The following CERS6 variants were observed in gnomAD, a reference collection of about 807,000 sequenced individuals.
CERS6 encodes the protein LAG1 homolog, ceramide synthase 6.
A neutral mutation model predicts 56.8 loss-of-function variants in CERS6; 26 were observed. The ratio of observed to expected loss-of-function variants is 0.46; its 90% confidence interval spans 0.34 to 0.63. The LOEUF is 0.63. CERS6 is among the 30% of genes least tolerant of loss of function. CERS6 has a pLI of 0.01. For synonymous variants in CERS6, 164 were observed against 173.3 expected, an observed-to-expected ratio of 0.95 and a Z score of 0.42; for missense variants, 415 against 467.5, an observed-to-expected ratio of 0.89 and a Z score of 1.04.
chr2:168,653,290 A>G (rs1044703878), intron 4 of CERS6, among the ~76,000 whole-genome samples: 1 of 152,224 alleles, frequency 6.6e-6, no homozygotes, highest in Non-Finnish European at 1.5e-5. Context: ...TGGGCTCTCC[A>G]CAGCTACCAT....
In CERS6 at chr2:168,477,173, C is replaced by CAGAGAGAG. The variant is rs10609883; in HGVS notation, c.170+20594_170+20601dup. Among the ~76,000 whole-genome samples, 766 of 115,504 alleles carry CAGAGAGAG rather than the reference C, an allele frequency of 6.6e-3. 14 individuals carry two copies. Among genetic ancestry groups the CAGAGAGAG allele is most frequent in the African/African-American group, 0.012 (363 of 29,954 alleles). 75.8% of individuals were successfully genotyped at this position (115,504 alleles called of 152,430 possible). A position where few individuals can be genotyped will look rare whatever the true frequency, so the allele number is the denominator to read the frequency against. ...AGGGAGGAAAGGAATGAGGGAGAGA[C>CAGAGAGAG]AGAGAGAGAGAGAGAGAGAGAGAGA... On this transcript the variant is annotated intron_variant, in intron 1 of 9. Coordinates refer to ENST00000305747, the MANE Select transcript of CERS6 (RefSeq NM_203463.3).
intron 3 of CERS6, among the ~76,000 whole-genome samples, chr2:168,604,433 GGTCA>G (rs1459124950): frequency 4.6e-5 from 7 of 151,658 alleles, no homozygotes; most frequent in African/African-American, 1.7e-4. Context: ...GGTAAACTAG[GGTCA>G]GTCAATCAAA....
intron 1 of CERS6, among the ~76,000 whole-genome samples, chr2:168,495,792 G>C (rs945779654): frequency 6.6e-6 from 1 of 152,088 alleles, no homozygotes; most frequent in Non-Finnish European, 1.5e-5. Context: ...CTCCTTTCAG[G>C]GGGGGCATGA....
At chr2:168,517,525 TA>T (rs1172051273) in intron 1 of CERS6, among the ~76,000 whole-genome samples, 1 of 143,972 alleles carries the variant, frequency 6.9e-6, no homozygotes, top group African/African-American at 2.7e-5. Flanking sequence ...AAATAAATAA[TA>T]AAATAAAATA....
intron 1 of CERS6, among the ~76,000 whole-genome samples, chr2:168,533,947 A>G (rs764502635): frequency 1.3e-5 from 2 of 151,652 alleles, no homozygotes; most frequent in Non-Finnish European, 2.9e-5. Context: ...TCTTGTCTGC[A>G]TGCCTTATTT....
At chr2:168,605,095 A>G (rs1247902481) in intron 3 of CERS6, among the ~76,000 whole-genome samples, 1 of 152,228 alleles carries the variant, frequency 6.6e-6, no homozygotes, top group Non-Finnish European at 1.5e-5. Context: ...GATTTGTTGA[A>G]TGGTTGTGAT....
intron 1 of CERS6, among the ~76,000 whole-genome samples, chr2:168,521,595 A>G (rs1415286569): frequency 6.6e-6 from 1 of 152,192 alleles, no homozygotes; most frequent in Non-Finnish European, 1.5e-5. Context: ...TCTAGGGTGC[A>G]TTTGAAATGA....
At chr2:168,493,488 T>G (rs537266661) in intron 1 of CERS6, among the ~76,000 whole-genome samples, 1 of 152,310 alleles carries the variant, frequency 6.6e-6, no homozygotes, top group East Asian at 1.9e-4. Context: ...TCTTAACCAC[T>G]GCGCTCTATA....
chr2:168,529,960 C>T (rs1021612914), intron 1 of CERS6, among the ~76,000 whole-genome samples: 2 of 151,912 alleles, frequency 1.3e-5, no homozygotes, highest in African/African-American at 2.4e-5. Context: ...TCACAGGGGC[C>T]TATAAGACAG....
intron 8 of CERS6, among the ~76,000 whole-genome samples, chr2:168,750,172 T>G (rs1684221605): frequency 6.6e-6 from 1 of 152,214 alleles, no homozygotes; most frequent in African/African-American, 2.4e-5. Flanking sequence ...GAGCCCCACC[T>G]TCTACCTTGC....
chr2:168,671,914 T>G (rs1277954704), intron 4 of CERS6, among the ~76,000 whole-genome samples: 1 of 152,236 alleles, frequency 6.6e-6, no homozygotes, highest in Non-Finnish European at 1.5e-5. Flanking sequence ...TAGAGTATCT[T>G]AGAAATGCTA....
At chr2:168,733,173 A>T (rs1158553843) in intron 8 of CERS6, among the ~76,000 whole-genome samples, 2 of 152,198 alleles carry the variant, frequency 1.3e-5, no homozygotes, top group Non-Finnish European at 2.9e-5. Context: ...TGGTTTTGAG[A>T]TTTCAGACAA....
At chr2:168,460,319 C>T (rs968872610) in intron 1 of CERS6, among the ~76,000 whole-genome samples, 13 of 152,014 alleles carry the variant, frequency 8.6e-5, no homozygotes, top group Middle Eastern at 3.4e-3. Context: ...CTCAGCCTCA[C>T]GAGTAGCTAG....
In CERS6 at chr2:168,474,540, C is replaced by A. The variant is rs546693542; in HGVS notation, c.170+17922C>A. ...AGAATGTAATTTTGGTAAACTTAAT[C>A]TATAAAGAAAACAACTATTTTAACA... On this transcript the variant is annotated intron_variant, in intron 1 of 9. Coordinates refer to ENST00000305747, the MANE Select transcript of CERS6 (RefSeq NM_203463.3). Among the ~76,000 whole-genome samples the A allele has an allele frequency of 9.2e-5, 14 of 152,282 alleles. 1 individual carries two copies. In the South Asian group the frequency reaches 2.5e-3, roughly 27 times the overall value.
At chr2:168,726,194 G>A (rs1394402474) in intron 8 of CERS6, among the ~76,000 whole-genome samples, 2 of 152,170 alleles carry the variant, frequency 1.3e-5, no homozygotes. Context: ...AGAAAGATAG[G>A]TGCAATTTCT....
At chr2:168,641,813 A>G (rs1383085355) in intron 4 of CERS6, among the ~76,000 whole-genome samples, 2 of 151,718 alleles carry the variant, frequency 1.3e-5, no homozygotes, top group Admixed American at 6.6e-5. Context: ...AGCTGCTCAC[A>G]GCAGGGCCTC....
intron 4 of CERS6, among the ~76,000 whole-genome samples, chr2:168,640,793 T>G (rs533521449): frequency 3.1e-4 from 47 of 152,330 alleles, no homozygotes; most frequent in African/African-American, 9.4e-4. Context: ...AGGCTGAGTT[T>G]TCCTGCTTGT....
At chr2:168,637,413 C>T (rs967972597) in intron 4 of CERS6, among the ~76,000 whole-genome samples, 12 of 152,000 alleles carry the variant, frequency 7.9e-5, no homozygotes, top group Non-Finnish European at 1.5e-4. Context: ...GCCCAGTAGG[C>T]GGAGGTTGCA....
intron 4 of CERS6, among the ~76,000 whole-genome samples, chr2:168,671,704 GCAACTC>G (rs1350568394): frequency 6.6e-6 from 1 of 152,032 alleles, no homozygotes; most frequent in African/African-American, 2.4e-5. Context: ...ATTTCTATTT[GCAACTC>G]ATGATATATG....
Sources: gnomAD v4.1 joint callset for allele counts (sites outside exome capture counted in the v4.1 genomes callset) on GRCh38, gnomAD v4.1.1 for gene constraint, MANE v1.5 for transcripts, NCBI Gene and HGNC (gene_info 2026-07-23, HGNC 2026-07-21) for gene names.